KLF17: variants seen among roughly 807,000 people sequenced by gnomAD.
KLF17 encodes KLF transcription factor 17.
In KLF17, 31 loss-of-function variants were observed where a neutral mutation model predicts 34.2. The ratio of observed to expected loss-of-function variants is 0.91; its 90% CI spans 0.68 to 1.22. The LOEUF (loss-of-function observed/expected upper bound fraction) is 1.22. KLF17 is among the 50% of genes most tolerant of loss of function. The probability of loss-of-function intolerance (pLI) is 0.00; values close to 1 mark genes in which losing one functional copy is unlikely to be tolerated. For synonymous variants in KLF17, 179 were observed against 186.7 expected (o/e 0.96, Z 0.34); for missense variants, 478 against 505.2 (o/e 0.95, Z 0.52).
chr1:44,110,814 TA>T, the KLF17 span, among the ~76,000 whole-genome samples: 3 of 151,994 alleles, frequency 2.0e-5, no homozygotes, highest in Non-Finnish European at 2.9e-5. Context: ...ACTACTTATA[TA>T]AAAAAATTGG....
chr1:44,121,261 C>G (rs192807561), intron 1 of KLF17, among the ~76,000 whole-genome samples: 1 of 152,068 alleles, frequency 6.6e-6, no homozygotes. Context: ...GGATTACAGG[C>G]GTGTGCCACT....
chr1:44,127,691 T>TC (rs1557732023), intron 1 of KLF17, among the ~76,000 whole-genome samples: 14 of 15,264 alleles, frequency 9.2e-4, no homozygotes, highest in South Asian at 2.3e-3. Flanking sequence ...TCTTTCTTTC[T>TC]TTTTCTTTCT....
At chr1:44,120,786 T>G (rs1405701601) in intron 1 of KLF17, among the ~76,000 whole-genome samples, 1 of 152,196 alleles carries the variant, frequency 6.6e-6, no homozygotes, top group Non-Finnish European at 1.5e-5. Context: ...TCCTATTATA[T>G]GTCTGTCTTA....
the KLF17 span, among the ~76,000 whole-genome samples, chr1:44,100,274 GA>G: frequency 1.3e-5 from 1 of 77,012 alleles, no homozygotes; most frequent in Non-Finnish European, 3.1e-5. Flanking sequence ...AAAAAAAAAA[GA>G]GAGAGAGAGA....
At chr1:44,086,359 G>T in the KLF17 span, among the ~76,000 whole-genome samples, 3 of 152,178 alleles carry the variant, frequency 2.0e-5, no homozygotes, top group African/African-American at 7.2e-5. Context: ...CCGGCTACTC[G>T]GGAGGCTGAG....
chr1:44,077,502 T>C, the KLF17 span, among the ~76,000 whole-genome samples: 1 of 152,188 alleles, frequency 6.6e-6, no homozygotes, highest in Non-Finnish European at 1.5e-5. Flanking sequence ...CGGGACACAG[T>C]AGGTATGGCT....
chr1:44,082,348 G>A, the KLF17 span, among the ~76,000 whole-genome samples: 1 of 152,212 alleles, frequency 6.6e-6, no homozygotes, highest in Non-Finnish European at 1.5e-5. Flanking sequence ...ATTGGCCACA[G>A]GAACTAATCC....
the KLF17 span, among the ~76,000 whole-genome samples, chr1:44,057,148 C>T: frequency 1.3e-5 from 2 of 152,034 alleles, no homozygotes; most frequent in Non-Finnish European, 2.9e-5. Flanking sequence ...ACAGGTTATA[C>T]AGTGGCTAGC....
At chr1:44,068,198 C>T in the KLF17 span, among the ~76,000 whole-genome samples, 1 of 151,952 alleles carries the variant, frequency 6.6e-6, no homozygotes, top group Non-Finnish European at 1.5e-5. Context: ...GTAATTTTTG[C>T]GTTTTTGGCA....
intron 3 of KLF17, among the ~76,000 whole-genome samples, chr1:44,132,021 T>C (rs186816060): frequency 8.6e-4 from 131 of 152,162 alleles, no homozygotes; most frequent in Admixed American, 7.3e-3. Context: ...GGGATAAAAT[T>C]TGAGGCCGGG....
At chr1:44,102,588 ACACACACACACACACACACAC>A in the KLF17 span, among the ~76,000 whole-genome samples, 3 of 125,472 alleles carry the variant, frequency 2.4e-5, no homozygotes, top group South Asian at 6.1e-4. Flanking sequence ...ACACACACAC[ACACACACACACACACACACAC>A]ACACAGAAAA....
the KLF17 span, among the ~76,000 whole-genome samples, chr1:44,056,357 C>T: frequency 6.6e-6 from 1 of 152,148 alleles, no homozygotes; most frequent in African/African-American, 2.4e-5. Flanking sequence ...ACTCCTGGAA[C>T]AAGGACTTTT....
At chr1:44,078,393 A>G in the KLF17 span, among the ~76,000 whole-genome samples, 2 of 151,448 alleles carry the variant, frequency 1.3e-5, no homozygotes, top group Non-Finnish European at 1.5e-5. Flanking sequence ...GGTCATTGCC[A>G]GAGGAAGGGG....
chr1:44,077,301 T>C, the KLF17 span, among the ~76,000 whole-genome samples: 4,325 of 151,772 alleles, frequency 0.028, 185 homozygotes, highest in African/African-American at 0.094. Context: ...GCCAATATTG[T>C]GCCACTGCAC....
the KLF17 span, chr1:44,076,508 G>T: frequency 6.6e-6 from 1 of 152,232 alleles, no homozygotes; most frequent in African/African-American, 2.4e-5. Context: ...GGATCTAGGT[G>T]AAGGAAATTC....
At chr1:44,050,619 A>G in the KLF17 span, among the ~76,000 whole-genome samples, 1 of 152,270 alleles carries the variant, frequency 6.6e-6, no homozygotes, top group South Asian at 2.1e-4. Flanking sequence ...TGCCTCCTCA[A>G]TAAAGCTGTT....
the KLF17 span, chr1:44,103,921 A>G: frequency 3.2e-5 from 27 of 837,742 alleles, no homozygotes; most frequent in African/African-American, 3.2e-4. Context: ...AGCTTCTCAT[A>G]CTTGATCTGG....
chr1:44,095,073 T>C, the KLF17 span, among the ~76,000 whole-genome samples: 2 of 151,848 alleles, frequency 1.3e-5, no homozygotes, highest in African/African-American at 2.4e-5. Flanking sequence ...GCTAATTTTT[T>C]TGTATTTTTA....
chr1:44,117,738 G>A (rs897872756), upstream of KLF17, among the ~76,000 whole-genome samples: 2 of 151,526 alleles, frequency 1.3e-5, no homozygotes, highest in Admixed American at 1.3e-4. Flanking sequence ...CAAGTGATCT[G>A]CCCGCCTCAG....
Sources: gnomAD v4.1 joint callset for allele counts (sites outside exome capture counted in the v4.1 genomes callset) on GRCh38, gnomAD v4.1.1 for gene constraint, MANE v1.5 for transcripts, NCBI Gene and HGNC (gene_info 2026-07-23, HGNC 2026-07-21) for gene names.